ZC3HC1: variants seen among roughly 807,000 people sequenced by gnomAD.
ZC3HC1 encodes zinc finger C3HC-type containing 1.
A neutral mutation model predicts 61.9 loss-of-function variants in ZC3HC1; 38 were observed. The observed-to-expected ratio is 0.61, with a 90% CI of 0.47 to 0.81. ZC3HC1 has a LOEUF of 0.81. Ranked by LOEUF, ZC3HC1 falls within the 30% of genes least tolerant of loss-of-function variation. The probability of loss-of-function intolerance (pLI) is 0.00; values close to 1 mark genes in which losing one functional copy is unlikely to be tolerated. For missense variants in ZC3HC1, 554 were observed against 622.7 expected (o/e 0.89, Z 1.17); for synonymous variants, 213 against 229.9 (o/e 0.93, Z 0.67).
At position 130,043,046 on chromosome 7, in the gene ZC3HC1, C is replaced by T. The variant is rs138908918; in HGVS notation, c.259-1945G>A. 7.3e-3 allele frequency among the ~76,000 whole-genome samples: 1,116 copies of T among 152,104 alleles called. 13 individuals carry two copies. Among genetic ancestry groups the T allele is most frequent in the African/African-American group, 0.026 (1,059 of 41,508 alleles). Reference sequence around the variant, plus strand: ...GCCCCAGCACTTTGGGAGGCTGAGACGGGCGGATCACTTGAGGTCAGGAGT... The same window carrying T: ...GCCCCAGCACTTTGGGAGGCTGAGATGGGCGGATCACTTGAGGTCAGGAGT... On this transcript the variant is annotated intron_variant, in intron 2 of 9. Coordinates refer to ENST00000358303, the MANE Select transcript of ZC3HC1 (RefSeq NM_016478.5).
intron 2 of ZC3HC1, among the ~76,000 whole-genome samples, chr7:130,045,965 G>A (rs931612136): frequency 6.6e-6 from 1 of 151,112 alleles, no homozygotes; most frequent in Non-Finnish European, 1.5e-5. Flanking sequence ...TTGATACTAT[G>A]CAGCCATAAA....
chr7:130,036,128 T>TC (rs1452316181), intron 4 of ZC3HC1, among the ~76,000 whole-genome samples: 142 of 151,838 alleles, frequency 9.4e-4, no homozygotes, highest in African/African-American at 3.2e-3. Flanking sequence ...TTTTTTTTTT[T>TC]CCGCAATTCA....
chr7:130,018,670 T>G lies in ZC3HC1; in HGVS notation c.1503A>C (p.Ser501=). The change falls in exon 10 of 10, where the codon TCA becomes TCC. Residue 501 remains serine, a synonymous_variant. Coordinates refer to ENST00000358303, the MANE Select transcript of ZC3HC1 (RefSeq NM_016478.5). ...GGAAGGCGCTGGAGTATCTTCAGCATGAGCACAGAGATTCCCACTGCCGAA... is the reference window on the plus strand; with the variant it reads ...GGAAGGCGCTGGAGTATCTTCAGCAGGAGCACAGAGATTCCCACTGCCGAA... The part of the protein sequence containing the change: ...RIFRQWESLC[S]C 1.9e-6 allele frequency: 3 copies of G among 1,609,708 alleles called. No homozygotes were observed. Among genetic ancestry groups the G allele is most frequent in the Non-Finnish European group, 2.5e-6 (3 of 1,176,734 alleles).
chr7:130,028,272 C>T (rs878870398), intron 5 of ZC3HC1, among the ~76,000 whole-genome samples: 17 of 146,900 alleles, frequency 1.2e-4, no homozygotes, highest in Middle Eastern at 3.9e-3. Context: ...CTGGGTGTGC[C>T]GGCTCATGCC....
At chr7:130,033,455 T>A (rs1299880696) in intron 4 of ZC3HC1, among the ~76,000 whole-genome samples, 3 of 140,864 alleles carry the variant, frequency 2.1e-5, no homozygotes, top group Non-Finnish European at 4.6e-5. Flanking sequence ...CTTTTTTTTT[T>A]TTTTTTTTTT....
chr7:130,047,712 C>A (rs1324369668), intron 2 of ZC3HC1, among the ~76,000 whole-genome samples: 1 of 151,316 alleles, frequency 6.6e-6, no homozygotes, highest in African/African-American at 2.4e-5. Context: ...GAAAAAAAAG[C>A]AGCTGGAGCT....
chr7:130,039,830 T>C lies in ZC3HC1; in HGVS notation c.410-283A>G, dbSNP rs1017037502. Among the ~76,000 whole-genome samples the C allele has an allele frequency of 2.0e-5, 3 of 151,838 alleles. No homozygotes were observed. In the East Asian group the frequency reaches 5.8e-4, roughly 30 times the overall value. On this transcript the variant is annotated intron_variant, in intron 3 of 9. Coordinates refer to ENST00000358303, the MANE Select transcript of ZC3HC1 (RefSeq NM_016478.5). The stretch of plus-strand genomic sequence containing the variant: ...AGTGTAGTGGTGCAATCTCGGCTCA[T>C]TGCAACCTCCATCTCCCAGGCCCAA...
intron 4 of ZC3HC1, among the ~76,000 whole-genome samples, chr7:130,037,451 AAAAC>A (rs150885654): frequency 4.6e-5 from 7 of 151,988 alleles, no homozygotes; most frequent in East Asian, 1.9e-4. Flanking sequence ...CGTCTCAAGG[AAAAC>A]AAACAAACAA....
In ZC3HC1 at chr7:130,051,347, C is replaced by T. The variant is rs944666854; in HGVS notation, c.20G>A (p.Gly7Glu). 4.3e-6 allele frequency: 7 copies of T among 1,613,106 alleles called. No individual in the cohort carries two copies. Among genetic ancestry groups the T allele is most frequent in the African/African-American group, 1.3e-5 (1 of 75,024 alleles). Residue 7 changes from glycine to glutamate, a missense_variant, in exon 1 of 10, where the codon GGA becomes GAA. Coordinates refer to ENST00000358303, the MANE Select transcript of ZC3HC1 (RefSeq NM_016478.5). ...TTCAACCCCTACGGCAAACGCTTGT[C>T]CCTCACAGGGCGCCGCCATCTTGGT... MAAPCE[G>E]QAFAVGVEKN...
In ZC3HC1 at chr7:130,023,518, C is replaced by T; in HGVS notation, c.1226G>A (p.Ser409Asn). ...CATGCGAGGTGGACTCACCGAACTG[C>T]TGGAGGAGCAGAGGCGAGCTCGCTT... The part of the protein sequence containing the change: ...KAKRARLCSS[S>N]SSDTSSRSFF... The change falls in exon 8 of 10, where the codon AGC becomes AAC. Residue 409 changes from serine to asparagine, a missense_variant. Coordinates refer to ENST00000358303, the MANE Select transcript of ZC3HC1 (RefSeq NM_016478.5). This position sits in a 1 kb window ranked among gnomAD's most constrained non-coding sequence, Gnocchi z 4.2. 6.2e-7 allele frequency: 1 copy of T among 1,614,072 alleles called. No individual in the cohort carries two copies. Among genetic ancestry groups the T allele is most frequent in the Non-Finnish European group, 8.5e-7 (1 of 1,180,018 alleles).
At position 130,024,394 on chromosome 7, in the gene ZC3HC1, A is replaced by G; in HGVS notation, c.889T>C (p.Ser297Pro). The change falls in exon 7 of 10, where the codon TCC (serine) becomes CCC (proline). Residue 297 changes from serine (S) to proline (P), a missense_variant. By Grantham distance (74) the Ser-to-Pro change is moderately conservative (BLOSUM62 -1). Coordinates refer to ENST00000358303, the MANE Select transcript of ZC3HC1 (RefSeq NM_016478.5). ...IESSMTDLDA[S>P]FGLTSSPIPG... ...ATTGGGGAGCTGGTCAGGCCAAAGGATGCATCCAGGTCAGTCATGGACGAT... is the reference window on the plus strand; with the variant it reads ...ATTGGGGAGCTGGTCAGGCCAAAGGGTGCATCCAGGTCAGTCATGGACGAT... 5 of 1,614,128 alleles carry G rather than the reference A, an allele frequency of 3.1e-6. No homozygotes were observed. Among genetic ancestry groups the G allele is most frequent in the African/African-American group, 1.3e-5 (1 of 75,030 alleles).
chr7:130,025,422 C>T (rs1167975348), intron 6 of ZC3HC1, among the ~76,000 whole-genome samples: 2 of 151,548 alleles, frequency 1.3e-5, no homozygotes, highest in African/African-American at 4.8e-5. Flanking sequence ...CTAGAAGACT[C>T]CAGCTGGTGT....
chr7:130,037,451 A>G (rs1563081693), intron 4 of ZC3HC1, among the ~76,000 whole-genome samples: 1 of 151,874 alleles, frequency 6.6e-6, no homozygotes, highest in East Asian at 1.9e-4. Context: ...CGTCTCAAGG[A>G]AAACAAACAA....
At chr7:130,040,899 G>A (rs1794631950) in intron 3 of ZC3HC1, 52 bp downstream of exon 3, 3 of 1,507,048 alleles carry the variant, frequency 2.0e-6, no homozygotes, top group Admixed American at 2.3e-5. Context: ...AGAAAACCAG[G>A]ATAGTATATA....
intron 2 of ZC3HC1, among the ~76,000 whole-genome samples, chr7:130,044,749 G>A (rs550791418): frequency 6.6e-6 from 1 of 152,266 alleles, no homozygotes; most frequent in East Asian, 1.9e-4. Context: ...CCTTAATCAA[G>A]TGATCAAAGT....
At chr7:130,032,302 C>T (rs1273792036) in intron 4 of ZC3HC1, among the ~76,000 whole-genome samples, 1 of 151,736 alleles carries the variant, frequency 6.6e-6, no homozygotes, top group Non-Finnish European at 1.5e-5. Context: ...TTCAGATGCC[C>T]TTCCTCCACC....
chr7:130,047,927 A>G (rs911218524), intron 2 of ZC3HC1, among the ~76,000 whole-genome samples: 8 of 152,174 alleles, frequency 5.3e-5, no homozygotes, highest in Non-Finnish European at 1.0e-4. Context: ...GCTGGCTTGT[A>G]TCTTGTTCTC....
In ZC3HC1 at chr7:130,028,994, T is replaced by C. The variant is rs151170032; in HGVS notation, c.529A>G (p.Ile177Val). The change falls in exon 5 of 10, where the codon ATT becomes GTT. Residue 177 changes from isoleucine (I) to valine (V), a missense_variant. Physicochemically the swap from Ile to Val is conservative, Grantham distance 29. Coordinates refer to ENST00000358303, the MANE Select transcript of ZC3HC1 (RefSeq NM_016478.5). ...CGATCTAGGAATTCACTAACAAGAATAGCAGGCTCATCCAGGGGCAACATC... is the reference window on the plus strand; with the variant it reads ...CGATCTAGGAATTCACTAACAAGAACAGCAGGCTCATCCAGGGGCAACATC... ...FGMLPLDEPA[I>V]LVSEFLDRFQ... The C allele has an allele frequency of 1.4e-5, 23 of 1,613,604 alleles. No homozygotes were observed. In the Admixed American group the frequency reaches 2.0e-4, roughly 14 times the overall value.
At chr7:130,018,789 A>C in intron 9 of ZC3HC1, 57 bp from the exon 10 acceptor site, 4 of 1,447,548 alleles carry the variant, frequency 2.8e-6, no homozygotes, top group Non-Finnish European at 3.9e-6. Flanking sequence ...GACAAAGGAT[A>C]GATCATTTGT....
Sources: allele counts gnomAD v4.1 joint callset (sites outside exome capture counted in the v4.1 genomes callset), GRCh38; gene constraint gnomAD v4.1.1; non-coding constraint Gnocchi (gnomAD v3.1); transcripts MANE v1.5; gene names NCBI Gene and HGNC (gene_info 2026-07-23, HGNC 2026-07-21).